Variants in CYRIA observed in about 807,000 individuals in gnomAD.
CYRIA encodes CYFIP-related Rac1 interactor A.
CYRIA carries 15 observed loss-of-function variants against 43.9 expected under a neutral mutation model. That is an observed-to-expected ratio of 0.34 (90% CI 0.23 to 0.53). The LOEUF (loss-of-function observed/expected upper bound fraction) is 0.53, where lower values mean the gene tolerates loss of function less well. Among genes scored for constraint, CYRIA ranks in the 20% least tolerant of loss-of-function variants. The pLI is 0.94. For synonymous variants in CYRIA, 117 were observed against 136.0 expected, an observed-to-expected ratio of 0.86 and a Z score of 0.97; for missense variants, 236 against 394.2, an observed-to-expected ratio of 0.60 and a Z score of 3.40.
intron 1 of CYRIA, among the ~76,000 whole-genome samples, chr2:16,637,029 G>A (rs965103038): frequency 6.6e-6 from 1 of 152,014 alleles, no homozygotes; most frequent in African/African-American, 2.4e-5. Context: ...CCAGGAGCTG[G>A]CTATCTCCTG....
At chr2:16,558,173 ATT>A (rs141458626) in intron 10 of CYRIA, among the ~76,000 whole-genome samples, 2,488 of 152,220 alleles carry the variant, frequency 0.016, 65 homozygotes, top group African/African-American at 0.056. Flanking sequence ...TACAGGATAT[ATT>A]TAATTTACTA....
chr2:16,632,866 G>C (rs1156895823), intron 1 of CYRIA, among the ~76,000 whole-genome samples: 1 of 152,134 alleles, frequency 6.6e-6, no homozygotes, highest in African/African-American at 2.4e-5. Context: ...GGCAAAGCAG[G>C]GGTCATATGA....
At position 16,610,896 on chromosome 2, in the gene CYRIA, A is replaced by T. The variant is rs893113158; in HGVS notation, c.-11+12968T>A. On this transcript the variant is annotated intron_variant, in intron 2 of 11. Coordinates refer to ENST00000381323, the MANE Select transcript of CYRIA (RefSeq NM_030797.4). ...ATAGGATTGACTTCTTTTAGTCCCAACATATATATATATATATATATATAT... is the reference window on the plus strand; with the variant it reads ...ATAGGATTGACTTCTTTTAGTCCCATCATATATATATATATATATATATAT... 4.4e-4 allele frequency among the ~76,000 whole-genome samples: 42 copies of T among 95,684 alleles called. 1 individual carries two copies. The highest frequency in any genetic ancestry group is 7.5e-4 in the Non-Finnish European group (38 of 50,520). The allele number at this position is 95,684 out of a possible 152,430, so 62.8% of individuals were successfully genotyped here. A position where few individuals can be genotyped will look rare whatever the true frequency, so the allele number is the denominator to read the frequency against.
At chr2:16,663,802 G>C (rs1670323460) in intron 1 of CYRIA, among the ~76,000 whole-genome samples, 1 of 152,126 alleles carries the variant, frequency 6.6e-6, no homozygotes, top group African/African-American at 2.4e-5. Context: ...GCAGGGACAG[G>C]AAAAGTGGAG....
chr2:16,643,990 C>T (rs1002942208), intron 1 of CYRIA, among the ~76,000 whole-genome samples: 6 of 152,174 alleles, frequency 3.9e-5, no homozygotes, highest in Admixed American at 2.6e-4. Context: ...CTGCAGGCCT[C>T]GGCATAATAA....
intron 3 of CYRIA, among the ~76,000 whole-genome samples, chr2:16,575,226 C>T (rs952998702): frequency 1.3e-5 from 2 of 152,168 alleles, no homozygotes; most frequent in African/African-American, 4.8e-5. Flanking sequence ...AAGTAACTAA[C>T]TTGCTTTTGA....
intron 1 of CYRIA, among the ~76,000 whole-genome samples, chr2:16,629,840 T>C (rs1669275885): frequency 6.7e-6 from 1 of 150,276 alleles, no homozygotes; most frequent in Non-Finnish European, 1.5e-5. Context: ...ACAACAGCTG[T>C]GATTATGACT....
intron 1 of CYRIA, among the ~76,000 whole-genome samples, chr2:16,663,507 G>A (rs1332777504): frequency 2.0e-5 from 3 of 152,060 alleles, no homozygotes; most frequent in African/African-American, 7.2e-5. Flanking sequence ...TCACTGGAGA[G>A]GGTCACTGAC....
At chr2:16,618,550 T>C (rs1668883820) in intron 2 of CYRIA, among the ~76,000 whole-genome samples, 1 of 152,154 alleles carries the variant, frequency 6.6e-6, no homozygotes, top group South Asian at 2.1e-4. Flanking sequence ...TGATTCTAAA[T>C]GCATTTTGGT....
chr2:16,575,764 G>A (rs1342240151), intron 3 of CYRIA, among the ~76,000 whole-genome samples: 1 of 152,010 alleles, frequency 6.6e-6, no homozygotes, highest in Non-Finnish European at 1.5e-5. Flanking sequence ...GCTGACGCAG[G>A]AGAATGGCGT....
chr2:16,641,087 T>G (rs1027164867), intron 1 of CYRIA, among the ~76,000 whole-genome samples: 4 of 152,180 alleles, frequency 2.6e-5, no homozygotes, highest in Non-Finnish European at 5.9e-5. Context: ...CTCCCACTTC[T>G]GTTGCCCTAA....
intron 1 of CYRIA, among the ~76,000 whole-genome samples, chr2:16,641,419 A>T (rs975594769): frequency 6.6e-6 from 1 of 151,792 alleles, no homozygotes; most frequent in Non-Finnish European, 1.5e-5. Context: ...TTTCTCCTCC[A>T]TTTGTTTAAT....
intron 1 of CYRIA, among the ~76,000 whole-genome samples, chr2:16,628,436 T>C (rs1669229501): frequency 6.6e-6 from 1 of 152,216 alleles, no homozygotes; most frequent in Non-Finnish European, 1.5e-5. Flanking sequence ...TACCCACAAC[T>C]GTGCAGCTGT....
intron 2 of CYRIA, among the ~76,000 whole-genome samples, chr2:16,607,276 C>T (rs1668438259): frequency 9.0e-6 from 1 of 111,156 alleles, no homozygotes; most frequent in Non-Finnish European, 1.7e-5. Flanking sequence ...AGGTGAGAGT[C>T]TGCAGAGTGG....
chr2:16,631,348 T>C (rs1669325563), intron 1 of CYRIA, among the ~76,000 whole-genome samples: 1 of 152,172 alleles, frequency 6.6e-6, no homozygotes, highest in South Asian at 2.1e-4. Flanking sequence ...GGGCAGTGAA[T>C]AGCCCAGCGT....
chr2:16,637,088 T>A (rs1479164008), intron 1 of CYRIA, among the ~76,000 whole-genome samples: 1 of 152,148 alleles, frequency 6.6e-6, no homozygotes, highest in African/African-American at 2.4e-5. Flanking sequence ...ATTCCTCACA[T>A]CCACATCCCA....
At chr2:16,567,708 G>A (rs766340576) in intron 3 of CYRIA, among the ~76,000 whole-genome samples, 5 of 152,136 alleles carry the variant, frequency 3.3e-5, no homozygotes, top group Admixed American at 6.5e-5. Flanking sequence ...AATTCTCTTT[G>A]AAGAAAAGAT....
Position 16,565,726 on chromosome 2 carries a change from T to C in CYRIA, c.112A>G (p.Ile38Val). Reference sequence around the variant, plus strand: ...TCAGAATCCTGAAGGACGGCGCTGATCTGGTTCCAGATTTCTCTCTCTCCT... The same window carrying C: ...TCAGAATCCTGAAGGACGGCGCTGACCTGGTTCCAGATTTCTCTCTCTCCT... ...TEGEREIWNQ[I>V]SAVLQDSESI... Residue 38 changes from isoleucine to valine, a missense_variant, in exon 4 of 12, where the codon ATC (isoleucine) becomes GTC (valine). By Grantham distance (29) the Ile-to-Val change is conservative (BLOSUM62 3). This residue lies in a region of CYRIA where 193 missense variants were observed against 303.9 expected (regional missense o/e 0.64). Transcript: ENST00000381323. The C allele has an allele frequency of 6.3e-7, 1 of 1,587,364 alleles. No individual in the cohort carries two copies. The highest frequency in any genetic ancestry group is 8.6e-7 in the Non-Finnish European group (1 of 1,159,876).
chr2:16,627,974 G>T (rs1462850742), intron 1 of CYRIA, among the ~76,000 whole-genome samples: 1 of 152,190 alleles, frequency 6.6e-6, no homozygotes, highest in Non-Finnish European at 1.5e-5. Flanking sequence ...GCAGCTGGGC[G>T]GGCAGGCAGG....
Sources: gnomAD v4.1 joint callset for allele counts (sites outside exome capture counted in the v4.1 genomes callset) on GRCh38, gnomAD v4.1.1 for gene constraint, gnomAD v4.1.1 regional missense constraint, MANE v1.5 for transcripts, NCBI Gene and HGNC (gene_info 2026-07-23, HGNC 2026-07-21) for gene names.